SCAPER: variants seen among roughly 807,000 people sequenced by gnomAD.
SCAPER encodes the protein S phase cyclin A-associated protein in the endoplasmic reticulum.
SCAPER carries 98 observed loss-of-function variants against 182.2 expected under a neutral mutation model. That is an observed-to-expected ratio of 0.54 (90% confidence interval 0.46 to 0.64). The LOEUF is 0.64. Among genes scored for constraint, SCAPER ranks in the 30% least tolerant of loss-of-function variants. The pLI is 0.00. For synonymous variants in SCAPER, 605 were observed against 564.6 expected (o/e 1.07, Z -1.01); for missense variants, 1,432 against 1,690.0 (o/e 0.85, Z 2.68).
intron 17 of SCAPER, among the ~76,000 whole-genome samples, chr15:76,708,065 A>G (rs185600995): frequency 7.4e-4 from 112 of 152,048 alleles, no homozygotes; most frequent in African/African-American, 2.5e-3. Flanking sequence ...GTTCTAGGAC[A>G]CCCCCCCACC....
intron 15 of SCAPER, among the ~76,000 whole-genome samples, chr15:76,744,556 G>C (rs1240437723): frequency 6.6e-6 from 1 of 152,052 alleles, no homozygotes; most frequent in Non-Finnish European, 1.5e-5. Context: ...AAGCATCAGA[G>C]AAATACAAAT....
At chr15:76,783,538 C>G (rs918516735) in intron 8 of SCAPER, among the ~76,000 whole-genome samples, 1 of 152,146 alleles carries the variant, frequency 6.6e-6, no homozygotes, top group African/African-American at 2.4e-5. Context: ...TTTTATGAGG[C>G]CAGCATCATC....
chr15:76,596,865 CAA>C, intron 22 of SCAPER, among the ~76,000 whole-genome samples: 1 of 121,854 alleles, frequency 8.2e-6, no homozygotes, highest in African/African-American at 2.5e-5. Context: ...ACTGAATGGG[CAA>C]AAGCTGGAAG....
intron 23 of SCAPER, among the ~76,000 whole-genome samples, chr15:76,509,507 AT>A (rs1385302379): frequency 1.3e-5 from 2 of 152,164 alleles, no homozygotes; most frequent in Non-Finnish European, 2.9e-5. Context: ...ATAAAAGCCA[AT>A]TTTTTGTTTT....
chr15:76,487,259 A>G (rs1275302589), intron 24 of SCAPER, among the ~76,000 whole-genome samples: 3 of 151,314 alleles, frequency 2.0e-5, no homozygotes, highest in Non-Finnish European at 4.4e-5. Flanking sequence ...GGGTGATGAA[A>G]TAATTTGTAC....
At chr15:76,398,942 T>C (rs1218972682) in intron 27 of SCAPER, among the ~76,000 whole-genome samples, 2 of 152,204 alleles carry the variant, frequency 1.3e-5, no homozygotes, top group Non-Finnish European at 2.9e-5. Flanking sequence ...CAGCCCATGT[T>C]GGTTTCAATT....
chr15:76,753,682 G>T, intron 15 of SCAPER, 126 bp downstream of exon 15: 2 of 1,071,622 alleles, frequency 1.9e-6, no homozygotes, highest in Non-Finnish European at 2.6e-6. Context: ...TTAAATGAGT[G>T]TGTAAAATGC....
intron 22 of SCAPER, among the ~76,000 whole-genome samples, chr15:76,591,449 G>A (rs912323033): frequency 1.3e-5 from 2 of 152,162 alleles, no homozygotes; most frequent in Non-Finnish European, 2.9e-5. Context: ...ATATATTACA[G>A]AATATTCTTT....
chr15:76,802,935 T>C (rs1456558322), intron 6 of SCAPER, among the ~76,000 whole-genome samples: 1 of 152,240 alleles, frequency 6.6e-6, no homozygotes, highest in Non-Finnish European at 1.5e-5. Flanking sequence ...TAAGTCCATT[T>C]GATTATCTAT....
At chr15:76,539,756 A>C (rs1254759307) in intron 23 of SCAPER, among the ~76,000 whole-genome samples, 2 of 152,106 alleles carry the variant, frequency 1.3e-5, no homozygotes, top group African/African-American at 4.8e-5. Context: ...CGTGTTAGCC[A>C]GGATGGTCTC....
At chr15:76,412,873 T>TTA (rs2045390166) in intron 26 of SCAPER, among the ~76,000 whole-genome samples, 1 of 152,166 alleles carries the variant, frequency 6.6e-6, no homozygotes, top group Non-Finnish European at 1.5e-5. Flanking sequence ...TCCATGGATA[T>TTA]TATATATATC....
intron 17 of SCAPER, among the ~76,000 whole-genome samples, chr15:76,713,797 T>C (rs913600760): frequency 6.6e-6 from 1 of 151,894 alleles, no homozygotes; most frequent in Non-Finnish European, 1.5e-5. Flanking sequence ...AAATAAATTT[T>C]AAAAAAAGTA....
chr15:76,753,393 C>A (rs1330586620), intron 15 of SCAPER, among the ~76,000 whole-genome samples: 2 of 151,774 alleles, frequency 1.3e-5, no homozygotes, highest in African/African-American at 4.8e-5. Context: ...TGATTCCATG[C>A]ACATAAGTTC....
rs71447127 is a variant in SCAPER, at chr15:76,896,957, AT to A, written c.-60+8341del. On this transcript the variant is annotated intron_variant, in intron 1 of 31. Coordinates refer to ENST00000563290, the MANE Select transcript of SCAPER (RefSeq NM_020843.4). ...TGAGACCTCATCTCTAAAAATATTA[AT>A]TTTTTTTTTTAAAAAGAGTAAGTTC... 3.2e-3 allele frequency among the ~76,000 whole-genome samples: 480 copies of A among 149,756 alleles called. 2 individuals are homozygous for A. The highest frequency in any genetic ancestry group is 9.8e-3 in the African/African-American group (400 of 40,898).
At chr15:76,885,302 A>G (rs113739432) in intron 1 of SCAPER, among the ~76,000 whole-genome samples, 2 of 152,112 alleles carry the variant, frequency 1.3e-5, no homozygotes, top group Admixed American at 1.3e-4. Flanking sequence ...TTCCAATTCC[A>G]TACACCCCTT....
At position 76,536,401 on chromosome 15, in the gene SCAPER, G is replaced by A. The variant is rs528357201; in HGVS notation, c.2839-31427C>T. Among the ~76,000 whole-genome samples the A allele has an allele frequency of 3.9e-5, 6 of 152,248 alleles. No homozygotes were observed. In the East Asian group the frequency reaches 9.6e-4, roughly 24 times the overall value. ...CTTTTGAATCTCAGCTCTGCCACTTGCGGTGTGACCTTGGTCAAATTAGTT... is the reference window on the plus strand; with the variant it reads ...CTTTTGAATCTCAGCTCTGCCACTTACGGTGTGACCTTGGTCAAATTAGTT... On this transcript the variant is annotated intron_variant, in intron 23 of 31. Coordinates refer to ENST00000563290, the MANE Select transcript of SCAPER (RefSeq NM_020843.4).
Position 76,432,070 on chromosome 15 carries a change from G to A in SCAPER, c.3311+2008C>T, listed in dbSNP as rs2046905706. 2.0e-5 allele frequency among the ~76,000 whole-genome samples: 3 copies of A among 152,204 alleles called. No homozygotes were observed. In the South Asian group the frequency reaches 6.2e-4, roughly 32 times the overall value. ...GGAATTGCAATGAAGCATTTGAATGGATCTTCCGCTTCATCACAGCTAAGG... is the reference window on the plus strand; with the variant it reads ...GGAATTGCAATGAAGCATTTGAATGAATCTTCCGCTTCATCACAGCTAAGG... On this transcript the variant is annotated intron_variant, in intron 26 of 31. Coordinates refer to ENST00000563290, the MANE Select transcript of SCAPER (RefSeq NM_020843.4).
chr15:76,691,791 C>G (rs1307023112), intron 20 of SCAPER, among the ~76,000 whole-genome samples: 1 of 152,112 alleles, frequency 6.6e-6, no homozygotes, highest in South Asian at 2.1e-4. Context: ...AGACACTCTT[C>G]TGTACACATG....
intron 29 of SCAPER, among the ~76,000 whole-genome samples, chr15:76,364,317 T>G (rs1207630163): frequency 6.6e-6 from 1 of 151,894 alleles, no homozygotes. Flanking sequence ...AGGGATCCAC[T>G]GCTCTCTAGC....
Sources: allele counts gnomAD v4.1 joint callset (sites outside exome capture counted in the v4.1 genomes callset), GRCh38; gene constraint gnomAD v4.1.1; transcripts MANE v1.5; gene names NCBI Gene and HGNC (gene_info 2026-07-23, HGNC 2026-07-21).